The following GABRG3 variants were observed in gnomAD, a reference collection of about 807,000 sequenced individuals.
GABRG3 encodes the protein gamma-aminobutyric acid type A receptor subunit gamma3.
Under a neutral mutation model 48.8 loss-of-function variants are expected in GABRG3, and 25 were observed. The ratio of observed to expected loss-of-function variants is 0.51; its 90% CI spans 0.37 to 0.72. The LOEUF is 0.72. Among genes scored for constraint, GABRG3 ranks in the 30% least tolerant of loss-of-function variants. The pLI, the probability that GABRG3 is intolerant of heterozygous loss-of-function variation, is 0.00. For missense variants in GABRG3, 394 were observed against 577.9 expected, an observed-to-expected ratio of 0.68 and a Z score of 3.26; for synonymous variants, 227 against 217.6, an observed-to-expected ratio of 1.04 and a Z score of -0.38.
At chr15:27,444,045 T>G (rs760747576) in intron 5 of GABRG3, among the ~76,000 whole-genome samples, 1 of 152,212 alleles carries the variant, frequency 6.6e-6, no homozygotes, top group African/African-American at 2.4e-5. Flanking sequence ...GAAGTGTTCA[T>G]GTCAATTTCC....
At chr15:27,211,798 T>C (rs184806642) in intron 3 of GABRG3, among the ~76,000 whole-genome samples, 2 of 152,310 alleles carry the variant, frequency 1.3e-5, no homozygotes, top group Admixed American at 1.3e-4. Flanking sequence ...TATATATTCA[T>C]GAGCTTGCAT....
intron 3 of GABRG3, among the ~76,000 whole-genome samples, chr15:27,111,869 T>C (rs1897555467): frequency 1.3e-5 from 2 of 152,140 alleles, no homozygotes; most frequent in South Asian, 2.1e-4. Flanking sequence ...CAGGGTGGGA[T>C]GGATTTTCAC....
intron 6 of GABRG3, among the ~76,000 whole-genome samples, chr15:27,512,988 A>T (rs1236880836): frequency 1.3e-5 from 2 of 152,218 alleles, no homozygotes; most frequent in Non-Finnish European, 1.5e-5. Flanking sequence ...TTCCAAACAA[A>T]TACTTCCCTA....
At chr15:27,129,297 G>C (rs1244652504) in intron 3 of GABRG3, among the ~76,000 whole-genome samples, 2 of 152,084 alleles carry the variant, frequency 1.3e-5, no homozygotes, top group Non-Finnish European at 2.9e-5. Flanking sequence ...TTATATAGTG[G>C]AATCATACAG....
At chr15:27,422,419 A>T (rs1478049327) in intron 5 of GABRG3, 1 of 152,266 alleles carries the variant, frequency 6.6e-6, no homozygotes, top group Non-Finnish European at 1.5e-5. Context: ...ATCCACCAAT[A>T]CTGGGTGTTC....
At chr15:27,070,004 G>A (rs1165950838) in intron 3 of GABRG3, among the ~76,000 whole-genome samples, 3 of 152,214 alleles carry the variant, frequency 2.0e-5, no homozygotes, top group Non-Finnish European at 2.9e-5. Context: ...CTTCCCAGAA[G>A]AGGCAGGAAG....
At chr15:27,308,340 A>AAACAT (rs1230991554) in intron 3 of GABRG3, among the ~76,000 whole-genome samples, 2 of 127,192 alleles carry the variant, frequency 1.6e-5, no homozygotes, top group African/African-American at 6.1e-5. Flanking sequence ...ATATAAACAT[A>AAACAT]ATATAAACAT....
intron 6 of GABRG3, among the ~76,000 whole-genome samples, chr15:27,489,277 A>G (rs970738292): frequency 6.6e-6 from 1 of 152,110 alleles, no homozygotes; most frequent in African/African-American, 2.4e-5. Context: ...CCAGTCTATC[A>G]TTGATGGGCA....
rs147827375 is a variant in GABRG3, at chr15:26,996,735, C to T, written c.202+19585C>T. 6.6e-3 allele frequency among the ~76,000 whole-genome samples: 997 copies of T among 152,026 alleles called. 9 individuals carry two copies. The highest frequency in any genetic ancestry group is 0.01 in the Non-Finnish European group (698 of 67,956). ...CTCAATCTCCGCTCACTGCAAGCTC[C>T]GCCTCCTGGGTTCATGCCATTCTCC... is the stretch of plus-strand genomic sequence containing the variant. On this transcript the variant is annotated intron_variant, in intron 2 of 9. Transcript: ENST00000615808.
chr15:27,362,392 G>A (rs1346910328), intron 5 of GABRG3: 1 of 152,166 alleles, frequency 6.6e-6, no homozygotes, highest in Non-Finnish European at 1.5e-5. Flanking sequence ...GATTTGTCTG[G>A]GAGGTTCAGT....
At chr15:27,377,261 T>C (rs1895626890) in intron 5 of GABRG3, among the ~76,000 whole-genome samples, 2 of 152,200 alleles carry the variant, frequency 1.3e-5, no homozygotes, top group African/African-American at 4.8e-5. Context: ...GTTCCAAACT[T>C]TTTCACATTT....
At chr15:27,178,152 A>G (rs754884997) in intron 3 of GABRG3, among the ~76,000 whole-genome samples, 2 of 152,184 alleles carry the variant, frequency 1.3e-5, no homozygotes, top group Non-Finnish European at 2.9e-5. Context: ...GAGCCTGACT[A>G]AAGTTTGGTC....
chr15:27,350,973 GTGTGTGTATGGTGTGTGAATGCATTTACT>G (rs1230930907), intron 5 of GABRG3, among the ~76,000 whole-genome samples: 1 of 150,574 alleles, frequency 6.6e-6, no homozygotes, highest in Non-Finnish European at 1.5e-5. Flanking sequence ...GTGTGTGTTT[GTGTGTGTATGGTGTGTGAATGCATTTACT>G]TGTGTGTATG....
intron 3 of GABRG3, among the ~76,000 whole-genome samples, chr15:27,252,128 G>A (rs570289374): frequency 1.8e-4 from 28 of 152,200 alleles, no homozygotes; most frequent in African/African-American, 5.3e-4. Flanking sequence ...TTGTGAAATC[G>A]GGGGACACGA....
intron 3 of GABRG3, among the ~76,000 whole-genome samples, chr15:27,181,327 C>A (rs1310076244): frequency 6.6e-6 from 1 of 152,194 alleles, no homozygotes; most frequent in African/African-American, 2.4e-5. Flanking sequence ...AGAGTTAGTT[C>A]TCTTACCCAT....
chr15:27,002,760 A>AAAAAAAAAAAG lies in GABRG3; in HGVS notation c.203-23991_203-23990insAAAAAAAGAAA, dbSNP rs71130292. On this transcript the variant is annotated intron_variant, in intron 2 of 9. Transcript: ENST00000615808. ...CGTGTCTCTCAAAAAAAAAAAAAAA[A>AAAAAAAAAAAG]AAAGGAAGGAAGGAAGGAAGGAAAG... Among the ~76,000 whole-genome samples, 316 of 125,862 alleles carry AAAAAAAAAAAG rather than the reference A, an allele frequency of 2.5e-3. 2 individuals carry two copies. The highest frequency in any genetic ancestry group is 3.8e-3 in the Non-Finnish European group (235 of 61,302). The allele number at this position is 125,862 out of a possible 152,430, so 82.6% of individuals were successfully genotyped here.
chr15:27,001,014 C>A (rs1022876331), intron 2 of GABRG3, among the ~76,000 whole-genome samples: 6 of 152,176 alleles, frequency 3.9e-5, no homozygotes, highest in Non-Finnish European at 7.3e-5. Flanking sequence ...GTAGTCTTCT[C>A]ACACACATGC....
At chr15:27,188,803 A>G (rs1223601827) in intron 3 of GABRG3, among the ~76,000 whole-genome samples, 4 of 152,308 alleles carry the variant, frequency 2.6e-5, no homozygotes, top group African/African-American at 4.8e-5. Context: ...GTCCTTGCCC[A>G]TGCCTATGTC....
rs1377080195 is a variant in GABRG3 at position 27,248,803 on chromosome 15, C to CACACACACACAGAGAGAG, written c.271-78005_271-78004insCACACACACAGAGAGAGA. On this transcript the variant is annotated intron_variant, in intron 3 of 9. Transcript: ENST00000615808. ...ACACACACACACACACACACACACA[C>CACACACACACAGAGAGAG]AGAGAGAGAGAGAGAGAGAGAGAGA... 1.9e-4 allele frequency among the ~76,000 whole-genome samples: 21 copies of CACACACACACAGAGAGAG among 110,234 alleles called. No individual in the cohort carries two copies. In the South Asian group the frequency reaches 2.4e-3, roughly 12 times the overall value. The allele number at this position is 110,234 out of a possible 152,430, so 72.3% of individuals were successfully genotyped here.
Sources: allele counts gnomAD v4.1 joint callset (sites outside exome capture counted in the v4.1 genomes callset), GRCh38; gene constraint gnomAD v4.1.1; transcripts MANE v1.5; gene names NCBI Gene and HGNC (gene_info 2026-07-23, HGNC 2026-07-21).